Variants in KDM4C observed in about 807,000 individuals in gnomAD.
The protein encoded by KDM4C is lysine demethylase 4C.
In KDM4C, 81 loss-of-function variants were observed where a neutral mutation model predicts 129.3. That is an observed-to-expected ratio of 0.63 (90% CI 0.52 to 0.75). KDM4C has a LOEUF of 0.75. Ranked by LOEUF, KDM4C falls within the 30% of genes least tolerant of loss-of-function variation. The probability of loss-of-function intolerance (pLI) is 0.00; values close to 1 mark genes in which losing one functional copy is unlikely to be tolerated. For missense variants in KDM4C, 1,457 were observed against 1,304.0 expected, an observed-to-expected ratio of 1.12 and a Z score of -1.81; for synonymous variants, 573 against 456.1, an observed-to-expected ratio of 1.26 and a Z score of -3.26.
intron 8 of KDM4C, among the ~76,000 whole-genome samples, chr9:6,953,396 A>C (rs7046307): frequency 6.6e-6 from 1 of 152,192 alleles, no homozygotes; most frequent in African/African-American, 2.4e-5. Flanking sequence ...GTTTGAATTA[A>C]CTTGGCTGTT....
chr9:7,034,156 A>G (rs568532228), intron 15 of KDM4C, among the ~76,000 whole-genome samples: 2 of 152,226 alleles, frequency 1.3e-5, no homozygotes, highest in African/African-American at 4.8e-5. Flanking sequence ...ATGTATAGTG[A>G]TCAGGGCAAT....
At chr9:6,818,016 C>T (rs969856051) in intron 4 of KDM4C, among the ~76,000 whole-genome samples, 3 of 152,118 alleles carry the variant, frequency 2.0e-5, no homozygotes, top group African/African-American at 4.8e-5. Flanking sequence ...CTGCCTACCT[C>T]AGCCTTCCAA....
intron 8 of KDM4C, among the ~76,000 whole-genome samples, chr9:6,970,553 A>G (rs140932473): frequency 1.3e-3 from 191 of 152,226 alleles, no homozygotes; most frequent in Non-Finnish European, 2.4e-3. Flanking sequence ...TAGAGAGGGG[A>G]AATTAGAGCT....
At chr9:7,157,319 T>C (rs1489918485) in intron 19 of KDM4C, among the ~76,000 whole-genome samples, 4 of 152,254 alleles carry the variant, frequency 2.6e-5, no homozygotes, top group Non-Finnish European at 5.9e-5. Flanking sequence ...TTTGACTTCC[T>C]CTTTTCCTAA....
chr9:6,734,718 A>AT (rs1306391513), intron 1 of KDM4C: 9 of 304,650 alleles, frequency 3.0e-5, no homozygotes, highest in South Asian at 1.3e-4. Context: ...TCAAAATAGG[A>AT]TTTTTTCTGT....
At chr9:7,054,968 T>C (rs1023332885) in intron 17 of KDM4C, among the ~76,000 whole-genome samples, 1 of 152,104 alleles carries the variant, frequency 6.6e-6, no homozygotes, top group African/African-American at 2.4e-5. Context: ...ATAACAAACT[T>C]AGCATTGAGA....
chr9:6,962,748 T>C (rs142945047), intron 8 of KDM4C, among the ~76,000 whole-genome samples: 11 of 152,322 alleles, frequency 7.2e-5, no homozygotes, highest in African/African-American at 2.2e-4. Context: ...ATTTAGATTA[T>C]AATACTTAAA....
chr9:7,069,032 C>G (rs553942762), intron 17 of KDM4C, among the ~76,000 whole-genome samples: 1 of 152,108 alleles, frequency 6.6e-6, no homozygotes, highest in Non-Finnish European at 1.5e-5. Flanking sequence ...CCTTTCTTCT[C>G]ACTCTACATT....
rs556977532 is a variant in KDM4C at position 7,085,923 on chromosome 9, A to G, written c.2425-17762A>G. On this transcript the variant is annotated intron_variant, in intron 17 of 21. Coordinates refer to ENST00000381309, the MANE Select transcript of KDM4C (RefSeq NM_015061.6). ...GTAATCCCAGCACTTTGGGAGGCCG[A>G]GGCAGGTGGATCGCCTGAAGTCAGG... 1.4e-4 allele frequency among the ~76,000 whole-genome samples: 22 copies of G among 152,228 alleles called. No individual in the cohort carries two copies. In the South Asian group the frequency reaches 4.6e-3, roughly 32 times the overall value.
intron 1 of KDM4C, among the ~76,000 whole-genome samples, chr9:6,764,581 A>G (rs1422261629): frequency 6.6e-6 from 1 of 152,202 alleles, no homozygotes; most frequent in Non-Finnish European, 1.5e-5. Context: ...GAAGTGGATT[A>G]TTTTAAGAGT....
At chr9:6,932,399 G>A (rs1823917123) in intron 8 of KDM4C, among the ~76,000 whole-genome samples, 1 of 152,172 alleles carries the variant, frequency 6.6e-6, no homozygotes, top group South Asian at 2.1e-4. Context: ...TAATCCATAA[G>A]CTTAGTAATG....
chr9:6,978,219 TG>T (rs1328405116), intron 8 of KDM4C, among the ~76,000 whole-genome samples: 2 of 152,220 alleles, frequency 1.3e-5, no homozygotes, highest in Admixed American at 1.3e-4. Context: ...GTGTTGAAGC[TG>T]GGGTTTGAAT....
At chr9:6,757,767 GTA>G, upstream of KDM4C, 4 of 985,604 alleles carry the variant, frequency 4.1e-6, no homozygotes, top group South Asian at 1.9e-4. Flanking sequence ...TTCTACGCGA[GTA>G]TCTTTCCCCT....
At chr9:6,814,800 T>C in intron 4 of KDM4C, 55 bp downstream of exon 4, 1 of 1,177,348 alleles carries the variant, frequency 8.5e-7, no homozygotes, top group Non-Finnish European at 1.2e-6. Flanking sequence ...GACAGTTTTG[T>C]TACCATTTAA....
chr9:6,879,896 T>A (rs563727579), intron 5 of KDM4C, 116 bp from the exon 6 acceptor site: 1 of 524,122 alleles, frequency 1.9e-6, no homozygotes, highest in East Asian at 3.0e-5. Context: ...TCAGTTCATC[T>A]AAGTGGAGTT....
chr9:7,116,514 T>A (rs180732550), intron 18 of KDM4C, among the ~76,000 whole-genome samples: 2 of 152,248 alleles, frequency 1.3e-5, no homozygotes, highest in Admixed American at 1.3e-4. Context: ...TTTCCCATCC[T>A]GCCCCCACGT....
chr9:6,749,969 A>G (rs1040741693), intron 1 of KDM4C, among the ~76,000 whole-genome samples: 5 of 138,452 alleles, frequency 3.6e-5, no homozygotes, highest in African/African-American at 1.4e-4. Flanking sequence ...CTGGGCAACA[A>G]CAGTGAAACT....
chr9:6,970,657 T>G (rs980087879), intron 8 of KDM4C, among the ~76,000 whole-genome samples: 2 of 152,198 alleles, frequency 1.3e-5, no homozygotes, highest in Admixed American at 6.5e-5. Flanking sequence ...TGTGATAACT[T>G]TGTGGCTAAA....
At chr9:6,813,789 C>G (rs911085897) in intron 3 of KDM4C, among the ~76,000 whole-genome samples, 3 of 152,108 alleles carry the variant, frequency 2.0e-5, no homozygotes, top group Non-Finnish European at 4.4e-5. Context: ...ACTTAATATA[C>G]AATTACAGGT....
Sources: allele counts gnomAD v4.1 joint callset (sites outside exome capture counted in the v4.1 genomes callset), GRCh38; gene constraint gnomAD v4.1.1; transcripts MANE v1.5; gene names NCBI Gene and HGNC (gene_info 2026-07-23, HGNC 2026-07-21).